Variants in MDGA2 observed in about 807,000 individuals in gnomAD.
MDGA2 encodes MAM domain containing glycosylphosphatidylinositol anchor 2, also known as MAM domain-containing glycosylphosphatidylinositol anchor protein 2.
MDGA2 carries 40 observed loss-of-function variants against 117.8 expected under a neutral mutation model. The ratio of observed to expected loss-of-function variants is 0.34; its 90% confidence interval spans 0.26 to 0.44. MDGA2 has a LOEUF of 0.44. Ranked by LOEUF, MDGA2 falls within the 20% of genes least tolerant of loss-of-function variation. The probability of loss-of-function intolerance (pLI) is 1.00; values close to 1 mark genes in which losing one functional copy is unlikely to be tolerated. For synonymous variants in MDGA2, 452 were observed against 439.0 expected, an observed-to-expected ratio of 1.03 and a Z score of -0.37; for missense variants, 1,123 against 1,250.6, an observed-to-expected ratio of 0.90 and a Z score of 1.54.
intron 7 of MDGA2, among the ~76,000 whole-genome samples, chr14:47,051,754 G>A (rs1889464917): frequency 6.6e-6 from 1 of 151,858 alleles, no homozygotes; most frequent in Non-Finnish European, 1.5e-5. Flanking sequence ...CCACATAGAA[G>A]AAAATGGTGA....
chr14:47,663,150 T>A (rs1218168100), intron 1 of MDGA2, among the ~76,000 whole-genome samples: 4 of 152,238 alleles, frequency 2.6e-5, no homozygotes, highest in Non-Finnish European at 5.9e-5. Context: ...CAATTCTTGA[T>A]AATAACTTAA....
At chr14:47,547,423 A>G (rs1361991213) in intron 1 of MDGA2, among the ~76,000 whole-genome samples, 5 of 152,182 alleles carry the variant, frequency 3.3e-5, no homozygotes, top group Non-Finnish European at 4.4e-5. Context: ...TCCTAAGAAC[A>G]TGATTTCTCC....
At chr14:46,932,440 G>A (rs1019900673) in intron 9 of MDGA2, among the ~76,000 whole-genome samples, 2 of 151,912 alleles carry the variant, frequency 1.3e-5, no homozygotes, top group Non-Finnish European at 1.5e-5. Context: ...TACTTGAAAA[G>A]TTATTTAAGT....
At chr14:47,012,636 G>A (rs1343419118) in intron 8 of MDGA2, among the ~76,000 whole-genome samples, 1 of 152,162 alleles carries the variant, frequency 6.6e-6, no homozygotes, top group African/African-American at 2.4e-5. Flanking sequence ...TAAAGTGAGT[G>A]TTCCACAAAT....
intron 3 of MDGA2, among the ~76,000 whole-genome samples, chr14:47,185,059 A>G (rs1277738429): frequency 6.6e-6 from 1 of 151,226 alleles, no homozygotes. Context: ...ATAATAAAAG[A>G]TAAACATTTG....
intron 10 of MDGA2, among the ~76,000 whole-genome samples, chr14:46,899,101 T>C: frequency 6.6e-6 from 1 of 151,968 alleles, no homozygotes; most frequent in South Asian, 2.1e-4. Context: ...CATATGATAT[T>C]TTACTTTTTC....
intron 1 of MDGA2, among the ~76,000 whole-genome samples, chr14:47,389,159 A>G (rs1891831555): frequency 7.0e-6 from 1 of 143,292 alleles, no homozygotes; most frequent in Non-Finnish European, 1.5e-5. Flanking sequence ...ATTTTCAAAT[A>G]CATCCAGCAC....
intron 1 of MDGA2, among the ~76,000 whole-genome samples, chr14:47,373,765 T>C (rs1322139161): frequency 6.6e-6 from 1 of 152,114 alleles, no homozygotes; most frequent in Non-Finnish European, 1.5e-5. Flanking sequence ...TGCACAACTT[T>C]GTGAATCTAC....
At chr14:47,569,525 T>C (rs925934091) in intron 1 of MDGA2, among the ~76,000 whole-genome samples, 11 of 152,236 alleles carry the variant, frequency 7.2e-5, no homozygotes, top group Admixed American at 2.6e-4. Context: ...CTCAGCCATC[T>C]TGCAAGCACA....
At chr14:47,358,319 A>G (rs1891039696) in intron 1 of MDGA2, among the ~76,000 whole-genome samples, 1 of 152,098 alleles carries the variant, frequency 6.6e-6, no homozygotes, top group Non-Finnish European at 1.5e-5. Flanking sequence ...TGCTTTGGGA[A>G]CTTCCCTAGT....
At position 47,177,454 on chromosome 14, in the gene MDGA2, T is replaced by C. The variant is rs536095554; in HGVS notation, c.596-33180A>G. 6.6e-4 allele frequency among the ~76,000 whole-genome samples: 100 copies of C among 152,292 alleles called. No homozygotes were observed. The South Asian group carries it at 6.6e-3, about 10-fold the overall frequency. On this transcript the variant is annotated intron_variant, in intron 3 of 16. Coordinates refer to ENST00000399232, the MANE Select transcript of MDGA2 (RefSeq NM_001113498.3). ...AAGAAAATGTGGCACATAGACACCA[T>C]GGAATACTATGCAGCCATAAAAAAT...
At chr14:47,120,834 CAT>C (rs1321691275) in intron 5 of MDGA2, among the ~76,000 whole-genome samples, 8 of 152,258 alleles carry the variant, frequency 5.3e-5, no homozygotes, top group South Asian at 2.1e-4. Context: ...TGAACTACCA[CAT>C]AGAGTCATTT....
At chr14:47,416,206 G>C (rs1170660042) in intron 1 of MDGA2, among the ~76,000 whole-genome samples, 1 of 152,122 alleles carries the variant, frequency 6.6e-6, no homozygotes, top group Non-Finnish European at 1.5e-5. Flanking sequence ...AAATTGATCT[G>C]TAGCTGTGAA....
chr14:47,015,846 G>A (rs952342762), intron 8 of MDGA2, among the ~76,000 whole-genome samples: 2 of 151,934 alleles, frequency 1.3e-5, no homozygotes, highest in African/African-American at 4.8e-5. Flanking sequence ...CCCCCAAAAT[G>A]CAGAATTACA....
At chr14:47,396,032 G>T (rs186579791) in intron 1 of MDGA2, among the ~76,000 whole-genome samples, 191 of 152,262 alleles carry the variant, frequency 1.3e-3, no homozygotes, top group Non-Finnish European at 2.0e-3. Context: ...ATAAGTGTTG[G>T]AATGGGTAAA....
chr14:46,907,185 C>T (rs555417538), intron 10 of MDGA2, among the ~76,000 whole-genome samples: 225 of 152,100 alleles, frequency 1.5e-3, no homozygotes, highest in Non-Finnish European at 2.6e-3. Context: ...ACCATGTTGG[C>T]AAGGCTGGTG....
intron 15 of MDGA2, 128 bp downstream of exon 15, chr14:46,854,896 A>T (rs957925619): frequency 5.0e-6 from 4 of 792,182 alleles, no homozygotes; most frequent in Admixed American, 7.2e-5. Flanking sequence ...GCAAAACCTA[A>T]TCATATAATT....
At chr14:47,044,416 A>T (rs1889184820) in intron 7 of MDGA2, among the ~76,000 whole-genome samples, 1 of 152,148 alleles carries the variant, frequency 6.6e-6, no homozygotes, top group East Asian at 1.9e-4. Context: ...GACTTTCCTC[A>T]ATCAGCAGTA....
chr14:46,901,931 T>C (rs1442373539), intron 10 of MDGA2, among the ~76,000 whole-genome samples: 1 of 152,158 alleles, frequency 6.6e-6, no homozygotes, highest in African/African-American at 2.4e-5. Flanking sequence ...ATGAGGAATA[T>C]TGCTTGGGAA....
Sources: gnomAD v4.1 joint callset for allele counts (sites outside exome capture counted in the v4.1 genomes callset) on GRCh38, gnomAD v4.1.1 for gene constraint, MANE v1.5 for transcripts, NCBI Gene and HGNC (gene_info 2026-07-23, HGNC 2026-07-21) for gene names.